WDR70: variants seen among roughly 807,000 people sequenced by gnomAD.
The protein encoded by WDR70 is WD repeat-containing protein 70.
In WDR70, 53 loss-of-function variants were observed where a neutral mutation model predicts 88.6. The observed-to-expected ratio is 0.60, with a 90% CI of 0.48 to 0.75. WDR70 has a LOEUF of 0.75. Among genes scored for constraint, WDR70 ranks in the 30% least tolerant of loss-of-function variants. The pLI is 0.00. For synonymous variants in WDR70, 280 were observed against 270.0 expected (o/e 1.04, Z -0.36); for missense variants, 610 against 823.2 (o/e 0.74, Z 3.17).
intron 5 of WDR70, among the ~76,000 whole-genome samples, chr5:37,406,402 T>A (rs1749353877): frequency 6.6e-6 from 1 of 152,138 alleles, no homozygotes; most frequent in South Asian, 2.1e-4. Context: ...ACTAGTATAG[T>A]AGAAAAAGGA....
intron 7 of WDR70, among the ~76,000 whole-genome samples, chr5:37,459,285 G>GA (rs1027826162): frequency 1.8e-5 from 2 of 109,138 alleles, no homozygotes; most frequent in South Asian, 3.9e-4. Context: ...GTGTGGTGCT[G>GA]AAAAAAATGT....
At chr5:37,620,706 C>G (rs1744484511) in intron 10 of WDR70, among the ~76,000 whole-genome samples, 1 of 152,020 alleles carries the variant, frequency 6.6e-6, no homozygotes, top group African/African-American at 2.4e-5. Context: ...GAGTTAGAAT[C>G]CAGAGTTTGA....
intron 10 of WDR70, among the ~76,000 whole-genome samples, chr5:37,690,120 AG>A (rs971817274): frequency 6.6e-6 from 1 of 152,192 alleles, no homozygotes; most frequent in Non-Finnish European, 1.5e-5. Flanking sequence ...CAGTGATAGA[AG>A]ATCGCATTAA....
chr5:37,666,013 C>T (rs1476099357), intron 10 of WDR70, among the ~76,000 whole-genome samples: 1 of 152,174 alleles, frequency 6.6e-6, no homozygotes, highest in Non-Finnish European at 1.5e-5. Context: ...GCCCAGCTGC[C>T]CGGGAAGCTT....
intron 7 of WDR70, among the ~76,000 whole-genome samples, chr5:37,449,296 T>A (rs986327360): frequency 1.3e-5 from 2 of 152,122 alleles, no homozygotes; most frequent in African/African-American, 4.8e-5. Flanking sequence ...TTTTTGATAC[T>A]GCAGGATGCT....
intron 9 of WDR70, among the ~76,000 whole-genome samples, chr5:37,536,742 A>G (rs1741677081): frequency 6.6e-6 from 1 of 152,108 alleles, no homozygotes; most frequent in South Asian, 2.1e-4. Flanking sequence ...CTAGTCTTAC[A>G]TTCCTGTAGT....
chr5:37,447,158 A>G (rs1561855753), intron 7 of WDR70, among the ~76,000 whole-genome samples: 1 of 152,252 alleles, frequency 6.6e-6, no homozygotes, highest in Non-Finnish European at 1.5e-5. Context: ...AAAAGAAGAC[A>G]TTTGTGCAGC....
intron 9 of WDR70, among the ~76,000 whole-genome samples, chr5:37,575,314 G>A (rs1462396575): frequency 3.9e-5 from 6 of 152,108 alleles, no homozygotes; most frequent in South Asian, 2.1e-4. Flanking sequence ...GGATGATGGC[G>A]CACCTTCTAC....
chr5:37,535,279 A>G (rs993869189), intron 9 of WDR70, among the ~76,000 whole-genome samples: 1 of 152,038 alleles, frequency 6.6e-6, no homozygotes, highest in Non-Finnish European at 1.5e-5. Flanking sequence ...ACAGGGAAAG[A>G]ACTTTTCCTG....
At chr5:37,712,007 T>C (rs1291670532) in intron 13 of WDR70, among the ~76,000 whole-genome samples, 10 of 78,226 alleles carry the variant, frequency 1.3e-4, no homozygotes, top group Admixed American at 2.9e-4. Context: ...TTTTTTTTTT[T>C]CTTGAGACGG....
intron 10 of WDR70, among the ~76,000 whole-genome samples, chr5:37,635,658 A>T (rs987695700): frequency 2.6e-5 from 4 of 152,176 alleles, no homozygotes; most frequent in Admixed American, 2.6e-4. Flanking sequence ...AAGGAAAAAA[A>T]ATTGGAAATG....
At chr5:37,539,120 T>A (rs999576536) in intron 9 of WDR70, among the ~76,000 whole-genome samples, 1 of 152,214 alleles carries the variant, frequency 6.6e-6, no homozygotes, top group Admixed American at 6.5e-5. Context: ...TTGGTTCAGA[T>A]CTGTTACAAC....
chr5:37,540,623 A>G (rs1327967548), intron 9 of WDR70, among the ~76,000 whole-genome samples: 1 of 151,958 alleles, frequency 6.6e-6, no homozygotes, highest in African/African-American at 2.4e-5. Flanking sequence ...CTCGTGATCC[A>G]CCCGCCTCGG....
At chr5:37,685,727 A>G (rs1746571106) in intron 10 of WDR70, among the ~76,000 whole-genome samples, 1 of 152,140 alleles carries the variant, frequency 6.6e-6, no homozygotes, top group Admixed American at 6.5e-5. Context: ...TTTTCTGAGC[A>G]GCTCTCCCTG....
chr5:37,617,083 T>C (rs1012379416), intron 10 of WDR70, among the ~76,000 whole-genome samples: 1 of 152,236 alleles, frequency 6.6e-6, no homozygotes, highest in African/African-American at 2.4e-5. Flanking sequence ...CCAGGGACCA[T>C]TTCAAGTGCT....
intron 10 of WDR70, among the ~76,000 whole-genome samples, chr5:37,621,789 A>G (rs1349100224): frequency 2.0e-5 from 3 of 152,196 alleles, no homozygotes; most frequent in Admixed American, 6.5e-5. Flanking sequence ...TGTTTTAGCC[A>G]TGAAGTCCTT....
At chr5:37,721,658 G>A (rs940323716) in intron 14 of WDR70, 6 of 163,208 alleles carry the variant, frequency 3.7e-5, no homozygotes, top group African/African-American at 1.2e-4. Context: ...TTCTCTGTCC[G>A]CAGAAAGGGA....
At chr5:37,748,407 CA>C (rs1748698931) in intron 17 of WDR70, among the ~76,000 whole-genome samples, 1 of 152,142 alleles carries the variant, frequency 6.6e-6, no homozygotes, top group Non-Finnish European at 1.5e-5. Context: ...ACTGGCTAGC[CA>C]TATGCAGAAA....
intron 9 of WDR70, among the ~76,000 whole-genome samples, 160 bp from the exon 10 acceptor site, chr5:37,604,904 A>G (rs747365852): frequency 6.8e-4 from 103 of 152,346 alleles, no homozygotes; most frequent in Non-Finnish European, 1.3e-3. Context: ...ATTTATAAAT[A>G]GAGAATCTTT....
Sources: gnomAD v4.1 joint callset for allele counts (sites outside exome capture counted in the v4.1 genomes callset) on GRCh38, gnomAD v4.1.1 for gene constraint, MANE v1.5 for transcripts, NCBI Gene and HGNC (gene_info 2026-07-23, HGNC 2026-07-21) for gene names.